STK32A: variants seen among roughly 807,000 people sequenced by gnomAD.
STK32A encodes the protein serine/threonine kinase 32A.
In STK32A, 41 loss-of-function variants were observed where a neutral mutation model predicts 53.2. The ratio of observed to expected loss-of-function variants is 0.77; its 90% CI spans 0.60 to 1.00. STK32A has a LOEUF of 1.00. Ranked by LOEUF, STK32A falls within the 50% of genes least tolerant of loss-of-function variation. The pLI, the probability that STK32A is intolerant of heterozygous loss-of-function variation, is 0.00. For synonymous variants in STK32A, 166 were observed against 162.8 expected, an observed-to-expected ratio of 1.02 and a Z score of -0.15; for missense variants, 458 against 485.8, an observed-to-expected ratio of 0.94 and a Z score of 0.54.
At chr5:147,259,137 G>A (rs1754376355) in intron 2 of STK32A, among the ~76,000 whole-genome samples, 1 of 152,136 alleles carries the variant, frequency 6.6e-6, no homozygotes, top group Non-Finnish European at 1.5e-5. Flanking sequence ...AACCTGCTGG[G>A]TTAAGGGAAT....
In STK32A at chr5:147,324,038, T is replaced by C. The variant is rs764770193; in HGVS notation, c.401T>C (p.Leu134Pro). 2.5e-6 allele frequency: 4 copies of C among 1,609,300 alleles called. No homozygotes were observed. The highest frequency in any genetic ancestry group is 4.5e-5 in the East Asian group (2 of 44,772). The change falls in exon 5 of 13, where the codon CTG becomes CCG. Residue 134 changes from leucine (L) to proline (P), a missense_variant. Transcript: ENST00000397936. ...KLFICELVMA[L>P]DYLQNQRIIH... ...TTCATCTGTGAGCTGGTCATGGCCC[T>C]GGACTACCTGCAGAACCAGCGCATC...
intron 4 of STK32A, among the ~76,000 whole-genome samples, chr5:147,302,584 C>T (rs1416509511): frequency 6.6e-6 from 1 of 152,044 alleles, no homozygotes; most frequent in African/African-American, 2.4e-5. Context: ...GCCTTGGGCA[C>T]CATCATGTCT....
At chr5:147,323,325 T>C (rs939290229) in intron 4 of STK32A, among the ~76,000 whole-genome samples, 2 of 152,196 alleles carry the variant, frequency 1.3e-5, no homozygotes, top group African/African-American at 4.8e-5. Context: ...CTGAGAAGCT[T>C]TCCTTTACTT....
intron 4 of STK32A, among the ~76,000 whole-genome samples, chr5:147,289,470 C>T (rs751714109): frequency 1.4e-4 from 21 of 151,902 alleles, no homozygotes; most frequent in Non-Finnish European, 1.8e-4. Context: ...TTCTAGTTTT[C>T]AGGCTGAGGG....
rs1895567 is a variant in STK32A at position 147,339,293 on chromosome 5, C to T, written c.435-3713C>T. ...GTAAGCAGCAAGCCTTGGTGGCTTA[C>T]GCATGGTGTTGGGCCTGTGGATGCA... On this transcript the variant is annotated intron_variant, in intron 5 of 12. Transcript: ENST00000397936. Among the ~76,000 whole-genome samples, 36 of 152,308 alleles carry T rather than the reference C, an allele frequency of 2.4e-4. 1 individual carries two copies. In the East Asian group the frequency reaches 4.8e-3, roughly 20 times the overall value.
chr5:147,283,143 C>G (rs1224467693), intron 4 of STK32A, among the ~76,000 whole-genome samples: 1 of 152,126 alleles, frequency 6.6e-6, no homozygotes, highest in Non-Finnish European at 1.5e-5. Context: ...CAAAAGGAAA[C>G]TTCAAAACCA....
At chr5:147,312,537 C>G (rs745975749) in intron 4 of STK32A, among the ~76,000 whole-genome samples, 2 of 152,144 alleles carry the variant, frequency 1.3e-5, no homozygotes, top group African/African-American at 4.8e-5. Context: ...TGGATAAACA[C>G]ACAAAATACA....
chr5:147,285,338 A>T (rs1238307501), intron 4 of STK32A, among the ~76,000 whole-genome samples: 2 of 152,206 alleles, frequency 1.3e-5, no homozygotes, highest in Admixed American at 1.3e-4. Flanking sequence ...AAGACCTGAA[A>T]CTATAAAAAT....
At chr5:147,297,824 C>G (rs980700355) in intron 4 of STK32A, among the ~76,000 whole-genome samples, 6 of 151,940 alleles carry the variant, frequency 3.9e-5, no homozygotes, top group African/African-American at 1.2e-4. Flanking sequence ...CTAAAAAATA[C>G]AAAAAATTAG....
rs150030929 is a variant in STK32A, at chr5:147,288,067, T to C, written c.260+8669T>C. ...CAGACAACATTCTGTTCTCCATGCA[T>C]ACTGACCTGGTGATAACATGACATA... On this transcript the variant is annotated intron_variant, in intron 4 of 12. Transcript: ENST00000397936. 2.2e-3 allele frequency among the ~76,000 whole-genome samples: 337 copies of C among 152,300 alleles called. 1 individual carries two copies. Among genetic ancestry groups the C allele is most frequent in the African/African-American group, 7.9e-3 (329 of 41,574 alleles).
At chr5:147,251,722 C>G (rs1754008333) in intron 2 of STK32A, among the ~76,000 whole-genome samples, 1 of 152,148 alleles carries the variant, frequency 6.6e-6, no homozygotes, top group South Asian at 2.1e-4. Flanking sequence ...TTCGCTTCTG[C>G]CGTAACTCAC....
intron 4 of STK32A, among the ~76,000 whole-genome samples, chr5:147,314,517 C>A (rs139991378): frequency 0.21 from 2,441 of 11,738 alleles, 445 homozygotes; most frequent in African/African-American, 0.43. Context: ...CAAAAAAAAA[C>A]AAAAAAAAAC....
intron 2 of STK32A, among the ~76,000 whole-genome samples, chr5:147,254,159 C>T (rs182155972): frequency 3.9e-4 from 60 of 152,258 alleles, no homozygotes; most frequent in Middle Eastern, 3.4e-3. Flanking sequence ...CCATCTTAAC[C>T]GAACATGTTA....
At chr5:147,362,490 C>G (rs1335477816) in intron 8 of STK32A, among the ~76,000 whole-genome samples, 1 of 152,198 alleles carries the variant, frequency 6.6e-6, no homozygotes, top group African/African-American at 2.4e-5. Context: ...CTTATTCCCT[C>G]TCAGAGGCTC....
intron 2 of STK32A, among the ~76,000 whole-genome samples, chr5:147,262,089 T>G (rs1426247903): frequency 1.3e-5 from 2 of 152,124 alleles, no homozygotes; most frequent in Non-Finnish European, 2.9e-5. Flanking sequence ...CTCGTCTTAT[T>G]CTCATCACAA....
intron 4 of STK32A, among the ~76,000 whole-genome samples, chr5:147,322,502 C>A (rs887561601): frequency 1.3e-5 from 2 of 152,132 alleles, no homozygotes; most frequent in South Asian, 4.1e-4. Context: ...GTACTAAGTG[C>A]ATTTCTCCCA....
chr5:147,342,754 G>A, intron 5 of STK32A: 1 of 462,582 alleles, frequency 2.2e-6, no homozygotes, highest in Non-Finnish European at 3.8e-6. Flanking sequence ...TTGAATGAGA[G>A]AGGCCTTGGT....
chr5:147,361,241 C>G (rs1756489615), intron 7 of STK32A, among the ~76,000 whole-genome samples: 1 of 152,056 alleles, frequency 6.6e-6, no homozygotes, highest in Non-Finnish European at 1.5e-5. Flanking sequence ...CCAATAGGAC[C>G]CAAATTTTAA....
intron 7 of STK32A, among the ~76,000 whole-genome samples, chr5:147,360,511 AAAAGG>A (rs796776520): frequency 4.7e-4 from 72 of 151,914 alleles, no homozygotes; most frequent in African/African-American, 1.5e-3. Flanking sequence ...AAAGGAAAAG[AAAAGG>A]GAAAGATTGC....
Sources: gnomAD v4.1 joint callset for allele counts (sites outside exome capture counted in the v4.1 genomes callset) on GRCh38, gnomAD v4.1.1 for gene constraint, MANE v1.5 for transcripts, NCBI Gene and HGNC (gene_info 2026-07-23, HGNC 2026-07-21) for gene names.